Variants in MAP1LC3A observed in about 807,000 individuals in gnomAD.
MAP1LC3A encodes the protein microtubule-associated protein 1 light chain 3 alpha.
A neutral mutation model predicts 15.2 loss-of-function variants in MAP1LC3A; 10 were observed. The observed-to-expected ratio is 0.66, with a 90% CI of 0.41 to 1.12. The LOEUF (loss-of-function observed/expected upper bound fraction) is 1.12, where lower values mean the gene tolerates loss of function less well. Among genes scored for constraint, MAP1LC3A ranks in the 50% most tolerant of loss-of-function variants. The pLI, the probability that MAP1LC3A is intolerant of heterozygous loss-of-function variation, is 0.00. For synonymous variants in MAP1LC3A, 63 were observed against 64.3 expected (o/e 0.98, Z 0.10); for missense variants, 138 against 167.3 (o/e 0.82, Z 0.97).
At chr20:34,551,878 GA>G (rs200235880) in intron 2 of MAP1LC3A, among the ~76,000 whole-genome samples, 1 of 151,180 alleles carries the variant, frequency 6.6e-6, no homozygotes, top group East Asian at 1.9e-4. Flanking sequence ...TACCCTGAAA[GA>G]AAAAAAACCA....
intron 1 of MAP1LC3A, among the ~76,000 whole-genome samples, chr20:34,547,555 A>G (rs994031954): frequency 1.3e-5 from 2 of 151,102 alleles, no homozygotes; most frequent in Non-Finnish European, 2.9e-5. Flanking sequence ...GCCCAGGTGG[A>G]GGTGATTGAA....
chr20:34,552,651 T>A (rs528440194), intron 2 of MAP1LC3A, among the ~76,000 whole-genome samples: 264 of 152,350 alleles, frequency 1.7e-3, no homozygotes, highest in Non-Finnish European at 3.0e-3. Context: ...AGGACAGCTG[T>A]GGTCACTGTC....
chr20:34,550,812 A>AAT (rs1170163399), intron 2 of MAP1LC3A, among the ~76,000 whole-genome samples: 7 of 152,044 alleles, frequency 4.6e-5, no homozygotes, highest in East Asian at 1.9e-4. Context: ...TATAATTAAA[A>AAT]ATATATATAT....
Position 34,560,269 on chromosome 20 carries a change from C to A in MAP1LC3A, c.*371C>A. 4.3e-6 allele frequency: 1 copy of A among 231,526 alleles called. No homozygotes were observed. The highest frequency in any genetic ancestry group is 8.6e-6 in the Non-Finnish European group (1 of 116,776). The allele number at this position is 231,526 out of a possible 1,614,324, so 14.3% of individuals were successfully genotyped here. A position where few individuals can be genotyped will look rare whatever the true frequency, so the allele number is the denominator to read the frequency against. The stretch of plus-strand genomic sequence containing the variant: ...GAAAGACTGGCCCCTGGCTCCCCGC[C>A]CCTCGGTCTCCACGTGGTGTATGGA... On this transcript the variant is annotated 3_prime_UTR_variant, in exon 4 of 4. Coordinates refer to ENST00000360668, the MANE Select transcript of MAP1LC3A (RefSeq NM_032514.4).
intron 1 of MAP1LC3A, among the ~76,000 whole-genome samples, chr20:34,548,807 G>A (rs1434961565): frequency 2.0e-5 from 3 of 151,686 alleles, no homozygotes; most frequent in Non-Finnish European, 2.9e-5. Context: ...CCGGGTTCAA[G>A]CAATTCTCCT....
rs560571279 is a variant in MAP1LC3A, at chr20:34,558,748, C to G, written c.-121C>G. ...AGTTACCTCCCGCAGCCGCAGCCGCCGTGCTCAGCGCGAGCCCCGGAGCCC... is the reference window on the plus strand; with the variant it reads ...AGTTACCTCCCGCAGCCGCAGCCGCGGTGCTCAGCGCGAGCCCCGGAGCCC... On this transcript the variant is annotated 5_prime_UTR_variant, in exon 1 of 4. Transcript: ENST00000360668. The surrounding 1 kb of genome is among the most constrained non-coding windows in gnomAD (Gnocchi z 4.3). 4.5e-6 allele frequency: 6 copies of G among 1,320,040 alleles called. No homozygotes were observed. In the East Asian group the frequency reaches 9.5e-5, roughly 21 times the overall value. 81.8% of individuals were successfully genotyped at this position (1,320,040 alleles called of 1,614,324 possible).
At chr20:34,556,549 G>A (rs1378022243), upstream of MAP1LC3A, among the ~76,000 whole-genome samples, 9 of 150,380 alleles carry the variant, frequency 6.0e-5, no homozygotes, top group East Asian at 1.7e-3. Flanking sequence ...GTCTCCCTAT[G>A]ATGGAGGACC....
chr20:34,551,245 CA>C (rs529127786), intron 2 of MAP1LC3A, among the ~76,000 whole-genome samples: 1,684 of 124,674 alleles, frequency 0.014, 22 homozygotes, highest in African/African-American at 0.04. Flanking sequence ...GACTCTGTCT[CA>C]AAAAAAAAAA....
rs2146679726 is a variant in MAP1LC3A, at chr20:34,558,889, C to T, written c.21C>T (p.Phe7=). 2 of 1,426,430 alleles carry T rather than the reference C, an allele frequency of 1.4e-6. No homozygotes were observed. The highest frequency in any genetic ancestry group is 1.8e-6 in the Non-Finnish European group (2 of 1,095,140). The allele number at this position is 1,426,430 out of a possible 1,614,324, so 88.4% of individuals were successfully genotyped here. A position where few individuals can be genotyped will look rare whatever the true frequency, so the allele number is the denominator to read the frequency against. Residue 7 remains phenylalanine (F), a synonymous_variant, in exon 1 of 4, where the codon TTC becomes TTT. Transcript: ENST00000360668. This position sits in a 1 kb window ranked among gnomAD's most constrained non-coding sequence, Gnocchi z 4.3. The part of the protein sequence containing the change: MPSDRP[F]KQRRSFADRC... Reference sequence around the variant, plus strand: ...GCGCGATGCCCTCAGACCGGCCTTTCAAGCAGCGGCGGAGCTTCGGTGAGG... The same window carrying T: ...GCGCGATGCCCTCAGACCGGCCTTTTAAGCAGCGGCGGAGCTTCGGTGAGG...
chr20:34,549,775 T>C (rs1289577643), intron 1 of MAP1LC3A: 1 of 528,536 alleles, frequency 1.9e-6, no homozygotes, highest in Non-Finnish European at 3.4e-6. Flanking sequence ...TAAACTGCCA[T>C]GGCACTGGTG....
rs777637821 is a variant in MAP1LC3A, at chr20:34,559,272, C to G, written c.96+9C>G. On this transcript the variant is annotated intron_variant, in intron 2 of 3. Transcript: ENST00000360668. ...ACCCCAGCAAAATCCCGGTGAGTCC[C>G]GCACCCCCAGCCCTGCCCCGCCCCC... The G allele has an allele frequency of 2.0e-5, 32 of 1,601,016 alleles. No individual in the cohort carries two copies. Among genetic ancestry groups the G allele is most frequent in the Non-Finnish European group, 2.4e-5 (28 of 1,175,000 alleles).
intron 1 of MAP1LC3A, chr20:34,549,765 T>C: frequency 2.0e-6 from 1 of 512,612 alleles, no homozygotes; most frequent in Non-Finnish European, 3.5e-6. Flanking sequence ...ATGGCAATGG[T>C]AAACTGCCAT....
intron 2 of MAP1LC3A, among the ~76,000 whole-genome samples, chr20:34,550,280 TC>T (rs1322956867): frequency 6.6e-6 from 1 of 152,094 alleles, no homozygotes; most frequent in Non-Finnish European, 1.5e-5. Context: ...CAGAAACGAC[TC>T]CCCCAACCTC....
upstream of MAP1LC3A, chr20:34,558,665 T>G (rs1982256030): frequency 2.4e-6 from 3 of 1,234,214 alleles, no homozygotes; most frequent in Non-Finnish European, 3.0e-6. The surrounding 1 kb of genome is among the most constrained non-coding windows in gnomAD (Gnocchi z 4.3). Context: ...GTCGGCCCAA[T>G]GGGAGCGGCG....
At chr20:34,558,609 G>A (rs1982252083), upstream of MAP1LC3A, 2 of 1,215,526 alleles carry the variant, frequency 1.6e-6, no homozygotes, top group South Asian at 3.6e-5. The surrounding 1 kb of genome is among the most constrained non-coding windows in gnomAD (Gnocchi z 4.3). Context: ...CGCGGACCCA[G>A]GCTCTCTGCG....
At chr20:34,551,341 T>C (rs567728353) in intron 2 of MAP1LC3A, among the ~76,000 whole-genome samples, 81 of 152,164 alleles carry the variant, frequency 5.3e-4, no homozygotes, top group African/African-American at 1.9e-3. Context: ...ACATGCCGTA[T>C]GATTCCATCT....
At chr20:34,549,961 C>T in exon 2 of MAP1LC3A, 1 of 1,613,756 alleles carries the variant, frequency 6.2e-7, no homozygotes, top group Non-Finnish European at 8.5e-7. Flanking sequence ...AGTTCTGACA[C>T]TGTCTCAGTT....
upstream of MAP1LC3A, among the ~76,000 whole-genome samples, chr20:34,553,875 T>A (rs1982042113): frequency 6.6e-6 from 1 of 152,232 alleles, no homozygotes; most frequent in Admixed American, 6.5e-5. Flanking sequence ...CAGCAAGCTA[T>A]TGAATAAGAC....
chr20:34,555,167 C>T (rs1982108833), upstream of MAP1LC3A, among the ~76,000 whole-genome samples: 1 of 144,340 alleles, frequency 6.9e-6, no homozygotes, highest in African/African-American at 2.6e-5. Context: ...TTTTTTGAGA[C>T]AGAGTCTCAC....
Sources: gnomAD v4.1 joint callset for allele counts (sites outside exome capture counted in the v4.1 genomes callset) on GRCh38, gnomAD v4.1.1 for gene constraint, Gnocchi (gnomAD v3.1) non-coding constraint, MANE v1.5 for transcripts, NCBI Gene and HGNC (gene_info 2026-07-23, HGNC 2026-07-21) for gene names.